Variants in SIPA1L1 observed in about 807,000 individuals in gnomAD.
The protein encoded by SIPA1L1 is signal induced proliferation associated 1 like 1, also known as signal-induced proliferation-associated 1-like protein 1.
A neutral mutation model predicts 162.7 loss-of-function variants in SIPA1L1; 26 were observed. That is an observed-to-expected ratio of 0.16 (90% CI 0.12 to 0.22). SIPA1L1 has a LOEUF of 0.22. SIPA1L1 is among the 10% of genes least tolerant of loss of function. The probability of loss-of-function intolerance (pLI) is 1.00; values close to 1 mark genes in which losing one functional copy is unlikely to be tolerated. For synonymous variants in SIPA1L1, 829 were observed against 837.4 expected (o/e 0.99, Z 0.17); for missense variants, 1,874 against 2,241.0 (o/e 0.84, Z 3.31).
chr14:71,633,005 G>A (rs1217866095), intron 7 of SIPA1L1, among the ~76,000 whole-genome samples: 1 of 152,112 alleles, frequency 6.6e-6, no homozygotes, highest in African/African-American at 2.4e-5. Flanking sequence ...GGGAAAATTT[G>A]ATCAACACAT....
chr14:71,527,232 C>T lies in SIPA1L1; in HGVS notation c.-361-2080C>T, dbSNP rs144328275. ...GTGCAATTAGAGCTCACTGAAGCCT[C>T]GAACTCCTGGGGACAAGCGATCCTC... is the stretch of plus-strand genomic sequence containing the variant. On this transcript the variant is annotated intron_variant, in intron 3 of 23. Coordinates refer to ENST00000381232, the MANE Select transcript of SIPA1L1 (RefSeq NM_001386936.1). 9.8e-3 allele frequency among the ~76,000 whole-genome samples: 1,498 copies of T among 152,262 alleles called. 29 individuals carry two copies. Among genetic ancestry groups the T allele is most frequent in the Admixed American group, 0.049 (749 of 15,286 alleles).
chr14:71,520,725 G>T (rs1367885539), intron 3 of SIPA1L1, among the ~76,000 whole-genome samples: 1 of 151,796 alleles, frequency 6.6e-6, no homozygotes, highest in Non-Finnish European at 1.5e-5. Context: ...CCGTTATATG[G>T]AACTCCTCAA....
intron 2 of SIPA1L1, among the ~76,000 whole-genome samples, chr14:71,480,454 A>T (rs1220989322): frequency 8.2e-6 from 1 of 122,264 alleles, no homozygotes; most frequent in African/African-American, 3.7e-5. Context: ...TCTTAGTCTT[A>T]AAAAAAAAAA....
At chr14:71,534,815 G>A (rs1472354156) in intron 4 of SIPA1L1, among the ~76,000 whole-genome samples, 1 of 152,156 alleles carries the variant, frequency 6.6e-6, no homozygotes, top group Non-Finnish European at 1.5e-5. Flanking sequence ...TGTTCTGCAT[G>A]TGTATAGAGT....
chr14:71,544,037 A>G lies in SIPA1L1; in HGVS notation c.-303+14667A>G, dbSNP rs141024867. Among the ~76,000 whole-genome samples, 322 of 148,394 alleles carry G rather than the reference A, an allele frequency of 2.2e-3. 13 individuals are homozygous for G. The East Asian group carries it at 0.059, about 27-fold the overall frequency. On this transcript the variant is annotated intron_variant, in intron 4 of 23. Transcript: ENST00000381232. Reference sequence around the variant, plus strand: ...TATACACATACGCACATGTATGTATATACACACGCACGCACATGTATGTAT... The same window carrying G: ...TATACACATACGCACATGTATGTATGTACACACGCACGCACATGTATGTAT...
At chr14:71,422,695 G>T (rs2043276925) in intron 2 of SIPA1L1, among the ~76,000 whole-genome samples, 1 of 152,230 alleles carries the variant, frequency 6.6e-6, no homozygotes, top group Non-Finnish European at 1.5e-5. Flanking sequence ...TCTGTTGTAT[G>T]TGTATACCAC....
In SIPA1L1 at chr14:71,709,616, C is replaced by G. The variant is rs919703410; in HGVS notation, c.4160C>G (p.Thr1387Arg). 1.2e-6 allele frequency: 2 copies of G among 1,614,022 alleles called. No homozygotes were observed. Among genetic ancestry groups the G allele is most frequent in the African/African-American group, 2.7e-5 (2 of 74,912 alleles). ...AGCCAAGCCGGCTCGACCCCTCTGA[C>G]AAGGGAGAACAGCACCTTCAGTATA... Reference protein sequence around the residue: ...SKSQAGSTPLTRENSTFSIND... With the variant: ...SKSQAGSTPLRRENSTFSIND... The change falls in exon 17 of 24, where the codon ACA (threonine) becomes AGA (arginine). Residue 1387 changes from threonine to arginine, a missense_variant. By Grantham distance (71) the Thr-to-Arg change is moderately conservative. Coordinates refer to ENST00000381232, the MANE Select transcript of SIPA1L1 (RefSeq NM_001386936.1).
intron 2 of SIPA1L1, among the ~76,000 whole-genome samples, chr14:71,481,095 T>G (rs2048320049): frequency 6.6e-6 from 1 of 152,224 alleles, no homozygotes; most frequent in South Asian, 2.1e-4. Context: ...TTTAAGTCTT[T>G]TATATCCAAT....
intron 2 of SIPA1L1, among the ~76,000 whole-genome samples, chr14:71,502,462 G>A (rs2143727739): frequency 6.6e-6 from 1 of 151,384 alleles, no homozygotes; most frequent in East Asian, 1.9e-4. Context: ...TGTTGGCCAG[G>A]CTGGTTTCAA....
chr14:71,479,244 T>C (rs2048129537), intron 2 of SIPA1L1, among the ~76,000 whole-genome samples: 3 of 152,194 alleles, frequency 2.0e-5, no homozygotes, highest in Admixed American at 2.0e-4. Context: ...CCAGGTATTA[T>C]AACTGCATTC....
chr14:71,487,961 T>C (rs1029994640), intron 2 of SIPA1L1, among the ~76,000 whole-genome samples: 1 of 152,232 alleles, frequency 6.6e-6, no homozygotes, highest in Admixed American at 6.5e-5. Flanking sequence ...GACAGACAGA[T>C]ACATACACAT....
At chr14:71,374,694 G>T (rs1595086235) in intron 2 of SIPA1L1, among the ~76,000 whole-genome samples, 9 of 139,194 alleles carry the variant, frequency 6.5e-5, no homozygotes, top group Non-Finnish European at 7.7e-5. Context: ...CGTTTTGAAA[G>T]TTTTTTTTTT....
chr14:71,417,469 C>CAA (rs58628136), intron 2 of SIPA1L1, among the ~76,000 whole-genome samples: 634 of 17,762 alleles, frequency 0.036, 201 homozygotes, highest in African/African-American at 0.058. Flanking sequence ...GACTCCGTCT[C>CAA]AAAAAAAAAA....
intron 2 of SIPA1L1, among the ~76,000 whole-genome samples, chr14:71,336,215 T>C (rs2035075003): frequency 6.6e-6 from 1 of 152,234 alleles, no homozygotes; most frequent in Non-Finnish European, 1.5e-5. Flanking sequence ...TATTGAGTTA[T>C]AATTCTCTAT....
chr14:71,476,912 A>G (rs538793921), intron 2 of SIPA1L1, among the ~76,000 whole-genome samples: 2 of 151,958 alleles, frequency 1.3e-5, no homozygotes, highest in Non-Finnish European at 2.9e-5. Flanking sequence ...CAATCTAAAC[A>G]CGTATAGACT....
intron 2 of SIPA1L1, among the ~76,000 whole-genome samples, chr14:71,357,263 T>TG (rs2037366154): frequency 6.6e-6 from 1 of 152,102 alleles, no homozygotes; most frequent in Admixed American, 6.6e-5. Context: ...GAAGTTTTTT[T>TG]TTGTGTGTGT....
chr14:71,500,773 A>G (rs2050143731), intron 2 of SIPA1L1, among the ~76,000 whole-genome samples: 1 of 152,174 alleles, frequency 6.6e-6, no homozygotes, highest in African/African-American at 2.4e-5. Context: ...TTGGGAGGCC[A>G]AGGCGGGCGG....
intron 2 of SIPA1L1, among the ~76,000 whole-genome samples, chr14:71,442,335 G>T (rs1010736644): frequency 8.6e-5 from 13 of 151,994 alleles, no homozygotes; most frequent in African/African-American, 3.1e-4. Context: ...TTCCAGCCAA[G>T]ATTTCATTTA....
At chr14:71,640,029 G>A (rs571120325) in intron 7 of SIPA1L1, among the ~76,000 whole-genome samples, 3 of 151,992 alleles carry the variant, frequency 2.0e-5, no homozygotes, top group Admixed American at 6.6e-5. Flanking sequence ...TCAGTCTCCC[G>A]AGTAGCTGGA....
Sources: allele counts gnomAD v4.1 joint callset (sites outside exome capture counted in the v4.1 genomes callset), GRCh38; gene constraint gnomAD v4.1.1; transcripts MANE v1.5; gene names NCBI Gene and HGNC (gene_info 2026-07-23, HGNC 2026-07-21).